TANC1: variants seen among roughly 807,000 people sequenced by gnomAD.
TANC1 encodes the protein protein TANC1.
In TANC1, 77 loss-of-function variants were observed where a neutral mutation model predicts 149.7. The observed-to-expected ratio is 0.51, with a 90% CI of 0.43 to 0.62. The LOEUF is 0.62. TANC1 is among the 20% of genes least tolerant of loss of function. TANC1 has a pLI of 0.00. For synonymous variants in TANC1, 854 were observed against 925.0 expected, an observed-to-expected ratio of 0.92 and a Z score of 1.39; for missense variants, 1,985 against 2,321.8, an observed-to-expected ratio of 0.85 and a Z score of 2.98.
intron 4 of TANC1, among the ~76,000 whole-genome samples, chr2:159,131,055 T>C (rs911728114): frequency 1.3e-5 from 2 of 151,856 alleles, no homozygotes; most frequent in Admixed American, 6.6e-5. Flanking sequence ...TCTTTAGGCC[T>C]TCTTCTCTTG....
At chr2:159,191,555 G>A (rs2057444606) in intron 16 of TANC1, among the ~76,000 whole-genome samples, 1 of 152,122 alleles carries the variant, frequency 6.6e-6, no homozygotes, top group African/African-American at 2.4e-5. Flanking sequence ...TGCAGTGAGG[G>A]AAGGATTCTG....
In TANC1 at chr2:159,116,035, C is replaced by G. The variant is rs16843718; in HGVS notation, c.259+18201C>G. ...AGCACCAAGGAGTTGAGTGCAGAGT[C>G]TGAGCTAAGGTTGCTGGCCTCAAGA... On this transcript the variant is annotated intron_variant, in intron 4 of 26. Transcript: ENST00000263635. Among the ~76,000 whole-genome samples, 1,084 of 152,220 alleles carry G rather than the reference C, an allele frequency of 7.1e-3. 8 individuals carry two copies. Among genetic ancestry groups the G allele is most frequent in the African/African-American group, 0.025 (1,020 of 41,516 alleles).
chr2:159,109,231 C>T (rs2047482697), intron 4 of TANC1, among the ~76,000 whole-genome samples: 1 of 152,212 alleles, frequency 6.6e-6, no homozygotes, highest in Non-Finnish European at 1.5e-5. Context: ...CTGTCTGCCC[C>T]AGTCATGGGC....
intron 26 of TANC1, 29 bp downstream of exon 26, chr2:159,228,925 G>C (rs747198962): frequency 1.3e-6 from 2 of 1,582,170 alleles, no homozygotes; most frequent in Non-Finnish European, 1.7e-6. Flanking sequence ...TTTGTGTCTA[G>C]AGCTTTTTTT....
chr2:159,150,777 TAAAAA>T (rs11290702), intron 7 of TANC1: 158 of 362,366 alleles, frequency 4.4e-4, no homozygotes, highest in Middle Eastern at 1.5e-3. Flanking sequence ...GCTCATTTGT[TAAAAA>T]AAAAAAAAAA....
intron 8 of TANC1, among the ~76,000 whole-genome samples, chr2:159,168,050 T>C (rs1162004929): frequency 6.6e-6 from 1 of 152,136 alleles, no homozygotes; most frequent in Non-Finnish European, 1.5e-5. Context: ...TGCCCTCAAG[T>C]CACTGTATAT....
intron 4 of TANC1, among the ~76,000 whole-genome samples, chr2:159,130,722 C>T (rs181168987): frequency 6.6e-6 from 1 of 152,114 alleles, no homozygotes; most frequent in Non-Finnish European, 1.5e-5. Flanking sequence ...TCTCTCATTC[C>T]TTAGTTTATT....
At chr2:159,171,871 A>AAAAAAG (rs70994272) in intron 10 of TANC1, among the ~76,000 whole-genome samples, 34,995 of 105,806 alleles carry the variant, frequency 0.33, 6,891 homozygotes, top group East Asian at 0.4. Context: ...AAAAAAAAAA[A>AAAAAAG]AAAAGAAAAA....
chr2:159,082,232 G>A (rs2044346986), intron 3 of TANC1, among the ~76,000 whole-genome samples: 1 of 152,196 alleles, frequency 6.6e-6, no homozygotes, highest in Non-Finnish European at 1.5e-5. Context: ...GCATGGGAGA[G>A]AGGGCCACAC....
intron 14 of TANC1, among the ~76,000 whole-genome samples, chr2:159,182,067 G>T (rs2056542809): frequency 6.6e-6 from 1 of 152,032 alleles, no homozygotes. Flanking sequence ...AAATTAGCCG[G>T]GTGTGGTGGC....
rs1055202718 is a variant in TANC1, at chr2:159,227,721, G to T, written c.3904-98G>T. ...GCTTTCAATGTTCTGTCGTGGGTTT[G>T]CAGGGGGGAGTAAACTCCCCACGGT... On this transcript the variant is annotated intron_variant, in intron 24 of 26. Coordinates refer to ENST00000263635, the MANE Select transcript of TANC1 (RefSeq NM_033394.3). The T allele has an allele frequency of 8.3e-6, 11 of 1,324,488 alleles. No homozygotes were observed. In the Admixed American group the frequency reaches 1.1e-4, roughly 13 times the overall value. The allele number at this position is 1,324,488 out of a possible 1,614,324, so 82.0% of individuals were successfully genotyped here. A position where few individuals can be genotyped will look rare whatever the true frequency, so the allele number is the denominator to read the frequency against.
chr2:159,125,206 A>C (rs1015147977), intron 4 of TANC1, among the ~76,000 whole-genome samples: 4 of 152,220 alleles, frequency 2.6e-5, no homozygotes, highest in Non-Finnish European at 4.4e-5. Context: ...CAGCACAGCC[A>C]CACAACCTGC....
intron 4 of TANC1, among the ~76,000 whole-genome samples, chr2:159,125,344 T>C (rs1315438652): frequency 6.6e-6 from 1 of 152,224 alleles, no homozygotes; most frequent in African/African-American, 2.4e-5. Flanking sequence ...GTTTTATTGC[T>C]GCCCTGAGAA....
chr2:159,157,484 G>A (rs1180140101), intron 7 of TANC1, among the ~76,000 whole-genome samples: 2 of 152,208 alleles, frequency 1.3e-5, no homozygotes, highest in Admixed American at 6.5e-5. Flanking sequence ...GGTGTGAGGT[G>A]TGGGTGCACA....
chr2:159,139,790 A>G (rs71423006), intron 5 of TANC1, among the ~76,000 whole-genome samples: 35,967 of 152,194 alleles, frequency 0.24, 5,344 homozygotes, highest in Non-Finnish European at 0.35. Context: ...CACATATGAA[A>G]GAGCAGAATA....
chr2:159,116,046 T>C (rs2048206674), intron 4 of TANC1, among the ~76,000 whole-genome samples: 1 of 152,128 alleles, frequency 6.6e-6, no homozygotes, highest in African/African-American at 2.4e-5. Flanking sequence ...TGAGCTAAGG[T>C]TGCTGGCCTC....
chr2:159,122,417 C>A (rs1404048665), intron 4 of TANC1, among the ~76,000 whole-genome samples: 2 of 151,976 alleles, frequency 1.3e-5, no homozygotes, highest in African/African-American at 4.8e-5. Flanking sequence ...TGGCCAGACC[C>A]TCTTTTCTAA....
intron 1 of TANC1, among the ~76,000 whole-genome samples, chr2:158,982,426 A>G (rs1043785214): frequency 6.6e-6 from 1 of 152,180 alleles, no homozygotes; most frequent in Non-Finnish European, 1.5e-5. Flanking sequence ...AATTTACTTG[A>G]CCTGTTTCTA....
chr2:159,196,230 A>G (rs545284427), intron 17 of TANC1, among the ~76,000 whole-genome samples: 42 of 152,248 alleles, frequency 2.8e-4, no homozygotes, highest in African/African-American at 7.7e-4. Context: ...ATAGCTTGTC[A>G]CAGCAGACTT....
Sources: allele counts gnomAD v4.1 joint callset (sites outside exome capture counted in the v4.1 genomes callset), GRCh38; gene constraint gnomAD v4.1.1; transcripts MANE v1.5; gene names NCBI Gene and HGNC (gene_info 2026-07-23, HGNC 2026-07-21).